ABR: variants seen among roughly 807,000 people sequenced by gnomAD.
The protein encoded by ABR is ABR activator of RhoGEF and GTPase.
ABR carries 35 observed loss-of-function variants against 107.2 expected under a neutral mutation model. The ratio of observed to expected loss-of-function variants is 0.33; its 90% CI spans 0.25 to 0.43. The LOEUF is 0.43. Ranked by LOEUF, ABR falls within the 20% of genes least tolerant of loss-of-function variation. The pLI is 1.00. For missense variants in ABR, 815 were observed against 1,115.2 expected (o/e 0.73, Z 3.83); for synonymous variants, 498 against 462.0 (o/e 1.08, Z -1.00).
chr17:1,093,696 G>A (rs748132284), intron 3 of ABR, among the ~76,000 whole-genome samples: 1 of 151,958 alleles, frequency 6.6e-6, no homozygotes, highest in Non-Finnish European at 1.5e-5. Context: ...TCTGAACGAC[G>A]ACCACCAGCT....
In ABR at chr17:1,169,837, C is replaced by T. The variant is rs748113671; in HGVS notation, c.61+9830G>A. Among the ~76,000 whole-genome samples, 4 of 152,142 alleles carry T rather than the reference C, an allele frequency of 2.6e-5. 1 individual carries two copies. Among genetic ancestry groups the T allele is most frequent in the Non-Finnish European group, 5.9e-5 (4 of 68,032 alleles). On this transcript the variant is annotated intron_variant, in intron 1 of 22. Coordinates refer to ENST00000302538, the MANE Select transcript of ABR (RefSeq NM_021962.5). The stretch of plus-strand genomic sequence containing the variant: ...TTAAAAGGCTGGAGAGCAGGGCCAG[C>T]ACGCTTGGGCTCTGCCAAATCCCCG...
chr17:1,090,470 G>A (rs1043651373), intron 4 of ABR, among the ~76,000 whole-genome samples: 5 of 152,196 alleles, frequency 3.3e-5, no homozygotes, highest in African/African-American at 1.2e-4. Context: ...GAGGGCCATG[G>A]GTGGCCAAGA....
chr17:1,067,794 A>G (rs2034876846), intron 9 of ABR, among the ~76,000 whole-genome samples: 1 of 152,222 alleles, frequency 6.6e-6, no homozygotes, highest in Admixed American at 6.5e-5. Flanking sequence ...AGGCAGAGGC[A>G]TATGTGATTA....
intron 3 of ABR, 146 bp from the exon 4 acceptor site, chr17:1,091,996 T>G: frequency 1.2e-6 from 1 of 825,940 alleles, no homozygotes; most frequent in Non-Finnish European, 1.9e-6. Flanking sequence ...AAACGAGCTT[T>G]GTATCAAGGA....
intron 16 of ABR, among the ~76,000 whole-genome samples, chr17:1,029,965 A>AGACGACCCTCCGT (rs1567610186): frequency 2.0e-5 from 3 of 151,672 alleles, no homozygotes; most frequent in African/African-American, 4.9e-5. Context: ...ACACTGTGGC[A>AGACGACCCTCCGT]CACAGCACAC....
intron 2 of ABR, among the ~76,000 whole-genome samples, chr17:1,106,959 C>T (rs1056762773): frequency 6.6e-6 from 1 of 152,352 alleles, no homozygotes; most frequent in East Asian, 1.9e-4. Flanking sequence ...CTCTGAAGAG[C>T]ACCTAACCTG....
chr17:1,209,548 A>G (rs1010674616), intron 1 of ABR, among the ~76,000 whole-genome samples: 4 of 152,092 alleles, frequency 2.6e-5, no homozygotes, highest in Admixed American at 6.6e-5. Context: ...GTGAGCCACC[A>G]TGCTCAGCCA....
At chr17:1,108,647 G>A (rs1395911393) in intron 2 of ABR, among the ~76,000 whole-genome samples, 4 of 152,264 alleles carry the variant, frequency 2.6e-5, no homozygotes, top group Admixed American at 2.0e-4. Flanking sequence ...CCCGCTCCAG[G>A]GAGGCGGCGA....
At chr17:1,012,538 T>C (rs1033787432) in intron 18 of ABR, 150 bp downstream of exon 18, 48 of 703,632 alleles carry the variant, frequency 6.8e-5, no homozygotes, top group Non-Finnish European at 1.0e-4. Context: ...CTGCGGCCAC[T>C]CTAGATCCAC....
Position 1,056,057 on chromosome 17 carries a change from G to A in ABR, c.1539C>T (p.Ala513=), listed in dbSNP as rs2033233029. 20 of 1,614,178 alleles carry A rather than the reference G, an allele frequency of 1.2e-5. No individual in the cohort carries two copies. The highest frequency in any genetic ancestry group is 1.6e-5 in the Non-Finnish European group (19 of 1,180,016). ...YGFLHVIVHS[A]KGFKQSANLY... is the part of the protein sequence containing the mutation. Reference sequence around the variant, plus strand: ...TACTGGCTGATTGCTTAAATCCCTTGGCAGAGTGGACGATGACATGAAGGA... The same window carrying A: ...TACTGGCTGATTGCTTAAATCCCTTAGCAGAGTGGACGATGACATGAAGGA... Residue 513 remains alanine, a synonymous_variant, in exon 14 of 23, where the codon GCC becomes GCT. Coordinates refer to ENST00000302538, the MANE Select transcript of ABR (RefSeq NM_021962.5).
intron 12 of ABR, 180 bp downstream of exon 12, chr17:1,057,790 A>G: frequency 1.7e-6 from 1 of 591,610 alleles, no homozygotes; most frequent in Non-Finnish European, 3.0e-6. Flanking sequence ...TCTTTCAGCC[A>G]ATCAGTTAGA....
At chr17:1,090,840 C>G (rs2036973787) in intron 4 of ABR, among the ~76,000 whole-genome samples, 1 of 152,208 alleles carries the variant, frequency 6.6e-6, no homozygotes, top group African/African-American at 2.4e-5. Flanking sequence ...CCTGGACTCC[C>G]AGTCTCCCTC....
chr17:1,206,337 A>G (rs1187123797), intron 1 of ABR, among the ~76,000 whole-genome samples: 1 of 152,236 alleles, frequency 6.6e-6, no homozygotes, highest in Non-Finnish European at 1.5e-5. Flanking sequence ...GGTTTATCCC[A>G]GGAATACAAG....
intron 1 of ABR, among the ~76,000 whole-genome samples, chr17:1,126,167 C>T (rs1043832400): frequency 6.6e-6 from 1 of 152,184 alleles, no homozygotes; most frequent in Non-Finnish European, 1.5e-5. Context: ...TGAGCCAGTG[C>T]AGCGAGCGGG....
intron 5 of ABR, among the ~76,000 whole-genome samples, chr17:1,079,892 G>A (rs964225424): frequency 1.3e-5 from 2 of 150,268 alleles, no homozygotes; most frequent in Non-Finnish European, 3.0e-5. Context: ...CACCACACCT[G>A]TGAACTCCTG....
At chr17:1,199,361 C>G (rs2042629784) in intron 1 of ABR, among the ~76,000 whole-genome samples, 1 of 151,000 alleles carries the variant, frequency 6.6e-6, no homozygotes, top group Non-Finnish European at 1.5e-5. Context: ...CACCAAGAGG[C>G]CACACGGAAG....
intron 1 of ABR, among the ~76,000 whole-genome samples, chr17:1,162,625 G>C (rs962926749): frequency 6.6e-6 from 1 of 152,220 alleles, no homozygotes; most frequent in African/African-American, 2.4e-5. Flanking sequence ...GCCTGAGTGT[G>C]GCATCTGCTT....
intron 16 of ABR, among the ~76,000 whole-genome samples, chr17:1,032,896 C>T (rs898876012): frequency 2.0e-5 from 3 of 152,172 alleles, no homozygotes; most frequent in Admixed American, 2.0e-4. Flanking sequence ...GTATTTGCAC[C>T]GTGGCAACCG....
chr17:1,079,083 G>A lies in ABR; in HGVS notation c.700+247C>T, dbSNP rs539033814. ...GGAGGGGTAGGGAGGGAGGGAGCCA[G>A]CAGCCTGCTGGCATCCTAAAGAGGA... is the stretch of plus-strand genomic sequence containing the variant. On this transcript the variant is annotated intron_variant, in intron 6 of 22. Transcript: ENST00000302538. 1.5e-4 allele frequency: 218 copies of A among 1,434,556 alleles called. 1 individual carries two copies. The Admixed American group carries it at 5.8e-3, about 38-fold the overall frequency. The allele number at this position is 1,434,556 out of a possible 1,614,324, so 88.9% of individuals were successfully genotyped here. A position where few individuals can be genotyped will look rare whatever the true frequency, so the allele number is the denominator to read the frequency against.
Sources: allele counts gnomAD v4.1 joint callset (sites outside exome capture counted in the v4.1 genomes callset), GRCh38; gene constraint gnomAD v4.1.1; transcripts MANE v1.5; gene names NCBI Gene and HGNC (gene_info 2026-07-23, HGNC 2026-07-21).